SH3BP4: variants seen among roughly 807,000 people sequenced by gnomAD.
SH3BP4 encodes the protein SH3 domain binding protein 4.
Under a neutral mutation model 65.5 loss-of-function variants are expected in SH3BP4, and 33 were observed. The ratio of observed to expected loss-of-function variants is 0.50; its 90% CI spans 0.38 to 0.67. SH3BP4 has a LOEUF of 0.67. Ranked by LOEUF, SH3BP4 falls within the 30% of genes least tolerant of loss-of-function variation. The pLI is 0.00. For synonymous variants in SH3BP4, 552 were observed against 545.5 expected, an observed-to-expected ratio of 1.01 and a Z score of -0.17; for missense variants, 1,134 against 1,261.4, an observed-to-expected ratio of 0.90 and a Z score of 1.53.
intron 1 of SH3BP4, among the ~76,000 whole-genome samples, chr2:234,961,280 GT>G (rs2106240593): frequency 6.6e-6 from 1 of 152,194 alleles, no homozygotes; most frequent in Non-Finnish European, 1.5e-5. Flanking sequence ...TTTGTTTGTT[GT>G]TTGTTTTTGA....
chr2:235,007,183 G>A (rs1694323121), intron 2 of SH3BP4, among the ~76,000 whole-genome samples: 1 of 152,098 alleles, frequency 6.6e-6, no homozygotes, highest in Admixed American at 6.5e-5. Flanking sequence ...GGTGAGACAG[G>A]TGAGTCCCTG....
rs904641551 is a variant in SH3BP4 at position 235,052,148 on chromosome 2, G to A, written c.2479-414G>A. Among the ~76,000 whole-genome samples the A allele has an allele frequency of 6.6e-6, 1 of 151,930 alleles. No individual in the cohort carries two copies. The highest frequency in any genetic ancestry group is 6.6e-5 in the Admixed American group (1 of 15,236). ...TCCTTCTTTTCCTTGGCTTGTTGCC[G>A]CATCTGTCCCGTCTCTGCCTCCGTC... On this transcript the variant is annotated intron_variant, in intron 4 of 5. Coordinates refer to ENST00000392011, the MANE Select transcript of SH3BP4 (RefSeq NM_014521.3). The surrounding 1 kb of genome is among the most constrained non-coding windows in gnomAD (Gnocchi z 5.0).
rs899193907 is a variant in SH3BP4 at position 235,034,901 on chromosome 2, G to A, written c.-102G>A. On this transcript the variant is annotated 5_prime_UTR_variant, in exon 3 of 6. Transcript: ENST00000392011. The surrounding 1 kb of genome is among the most constrained non-coding windows in gnomAD (Gnocchi z 6.2). ...AACATATTGCCGAGTGGATGCCGCC[G>A]CGCAGCGTGTTTGCTTGAGGCAGAA... 192 of 952,808 alleles carry A rather than the reference G, an allele frequency of 2.0e-4. 1 individual carries two copies. Among genetic ancestry groups the A allele is most frequent in the African/African-American group, 1.2e-3 (71 of 61,166 alleles). 59.0% of individuals were successfully genotyped at this position (952,808 alleles called of 1,614,324 possible).
At chr2:234,966,127 C>T (rs1222379644) in intron 1 of SH3BP4, among the ~76,000 whole-genome samples, 1 of 152,064 alleles carries the variant, frequency 6.6e-6, no homozygotes, top group African/African-American at 2.4e-5. Flanking sequence ...ACCTGTAATC[C>T]CAACACTTTG....
At chr2:235,047,967 C>T (rs1695924728) in intron 4 of SH3BP4, among the ~76,000 whole-genome samples, 1 of 152,134 alleles carries the variant, frequency 6.6e-6, no homozygotes, top group South Asian at 2.1e-4. Flanking sequence ...CCCAAAGAGA[C>T]TTGAAAACTA....
rs535419944 is a variant in SH3BP4 at position 235,033,178 on chromosome 2, C to T, written c.-132-1693C>T. Among the ~76,000 whole-genome samples, 20 of 152,314 alleles carry T rather than the reference C, an allele frequency of 1.3e-4. No homozygotes were observed. The South Asian group carries it at 2.1e-3, about 16-fold the overall frequency. On this transcript the variant is annotated intron_variant, in intron 2 of 5. Coordinates refer to ENST00000392011, the MANE Select transcript of SH3BP4 (RefSeq NM_014521.3). This position sits in a 1 kb window ranked among gnomAD's most constrained non-coding sequence, Gnocchi z 5.7. ...CTGCTGCATTCAAGCACCACAGCCC[C>T]GGTGGCCCAGCAAGGGAGGCTCATC...
rs144052241 is a variant in SH3BP4 at position 234,963,757 on chromosome 2, A to C, written c.-207+11587A>C. ...ATTCAGCTTCGGAGCTGTTGTTGTAAGCTTCTCCAGGGTCATGTCGTCATG... is the reference window on the plus strand; with the variant it reads ...ATTCAGCTTCGGAGCTGTTGTTGTACGCTTCTCCAGGGTCATGTCGTCATG... On this transcript the variant is annotated intron_variant, in intron 1 of 5. Transcript: ENST00000392011. Among the ~76,000 whole-genome samples, 280 of 152,230 alleles carry C rather than the reference A, an allele frequency of 1.8e-3. 2 individuals are homozygous for C. Among genetic ancestry groups the C allele is most frequent in the African/African-American group, 6.4e-3 (265 of 41,526 alleles).
chr2:235,050,620 T>C (rs1411387740), intron 4 of SH3BP4, among the ~76,000 whole-genome samples: 1 of 152,028 alleles, frequency 6.6e-6, no homozygotes, highest in Non-Finnish European at 1.5e-5. Flanking sequence ...TCACCTACTC[T>C]GGCTAATGCA....
At chr2:234,980,458 GAA>G (rs1413216711) in intron 1 of SH3BP4, among the ~76,000 whole-genome samples, 5 of 152,208 alleles carry the variant, frequency 3.3e-5, no homozygotes, top group Non-Finnish European at 5.9e-5. Flanking sequence ...TGAAACCATG[GAA>G]ACTTGGGGTG....
chr2:235,048,497 ATT>A (rs59151071), intron 4 of SH3BP4, among the ~76,000 whole-genome samples: 19 of 142,422 alleles, frequency 1.3e-4, no homozygotes, highest in East Asian at 4.1e-4. Context: ...CACCCAGCTA[ATT>A]TTTTTTTTTT....
Position 235,054,084 on chromosome 2 carries a change from G to A in SH3BP4, c.*268G>A. ...TTAAAATCACTTTTTTAACGAATGG[G>A]GGGAAGGGATCTATGAGAAAGGTGG... On this transcript the variant is annotated 3_prime_UTR_variant, in exon 6 of 6. Coordinates refer to ENST00000392011, the MANE Select transcript of SH3BP4 (RefSeq NM_014521.3). 2.4e-6 allele frequency: 1 copy of A among 408,452 alleles called. No individual in the cohort carries two copies. The highest frequency in any genetic ancestry group is 2.0e-5 in the African/African-American group (1 of 50,916). 25.3% of individuals were successfully genotyped at this position (408,452 alleles called of 1,614,324 possible).
chr2:234,956,740 G>T (rs1024217241), intron 1 of SH3BP4, among the ~76,000 whole-genome samples: 1 of 151,080 alleles, frequency 6.6e-6, no homozygotes, highest in African/African-American at 2.4e-5. Flanking sequence ...TTAAATTCTT[G>T]TAGAAATGGG....
At chr2:235,007,703 GGCGTGCAGTGCTTGAGAGGCTGC>G (rs1306202973) in intron 2 of SH3BP4, among the ~76,000 whole-genome samples, 2 of 152,188 alleles carry the variant, frequency 1.3e-5, no homozygotes, top group Non-Finnish European at 2.9e-5. Flanking sequence ...GAAGAGACCA[GGCGTGCAGTGCTTGAGAGGCTGC>G]GGCCATCCTG....
rs1312025772 is a variant in SH3BP4 at position 234,991,647 on chromosome 2, GA to G, written c.-206-3655del. ...CACTGGTGTCTGGTGGTGCCCACAG[GA>G]GAACAGTGCTTGACTGAAAGATCGT... is the stretch of plus-strand genomic sequence containing the variant. On this transcript the variant is annotated intron_variant, in intron 1 of 5. Coordinates refer to ENST00000392011, the MANE Select transcript of SH3BP4 (RefSeq NM_014521.3). This position sits in a 1 kb window ranked among gnomAD's most constrained non-coding sequence, Gnocchi z 4.2. Among the ~76,000 whole-genome samples, 1 of 152,228 alleles carries G rather than the reference GA, an allele frequency of 6.6e-6. No homozygotes were observed. Among genetic ancestry groups the G allele is most frequent in the African/African-American group, 2.4e-5 (1 of 41,460 alleles).
intron 4 of SH3BP4, among the ~76,000 whole-genome samples, chr2:235,047,606 T>C (rs1244966097): frequency 2.0e-5 from 3 of 152,214 alleles, no homozygotes; most frequent in East Asian, 1.9e-4. Context: ...GTCTCTGTTA[T>C]GGTGGGGAAG....
In SH3BP4 at chr2:234,976,699, C is replaced by G. The variant is rs1053358136; in HGVS notation, c.-206-18604C>G. 1.3e-5 allele frequency among the ~76,000 whole-genome samples: 2 copies of G among 152,100 alleles called. No individual in the cohort carries two copies. The highest frequency in any genetic ancestry group is 6.5e-5 in the Admixed American group (1 of 15,270). On this transcript the variant is annotated intron_variant, in intron 1 of 5. Transcript: ENST00000392011. The surrounding 1 kb of genome is among the most constrained non-coding windows in gnomAD (Gnocchi z 4.7). ...ATGGCATTGTGTGGCAAGAAGGACA[C>G]CTGCCTCTGGTCTTCCTCTCAGTAA...
chr2:235,026,130 A>G lies in SH3BP4; in HGVS notation c.-132-8741A>G, dbSNP rs1188455777. Among the ~76,000 whole-genome samples, 1 of 152,122 alleles carries G rather than the reference A, an allele frequency of 6.6e-6. No homozygotes were observed. Among genetic ancestry groups the G allele is most frequent in the Non-Finnish European group, 1.5e-5 (1 of 68,032 alleles). On this transcript the variant is annotated intron_variant, in intron 2 of 5. Coordinates refer to ENST00000392011, the MANE Select transcript of SH3BP4 (RefSeq NM_014521.3). The surrounding 1 kb of genome is among the most constrained non-coding windows in gnomAD (Gnocchi z 4.6). ...ATGGGGGAGGGATGGGGCCAGGAAT[A>G]GAGGAAGCAGAGGAGAGGGGAGGCA... is the stretch of plus-strand genomic sequence containing the variant.
Position 235,036,005 on chromosome 2 carries a change from G to A in SH3BP4, c.118+885G>A, listed in dbSNP as rs367608960. 1.4e-4 allele frequency among the ~76,000 whole-genome samples: 22 copies of A among 152,290 alleles called. No homozygotes were observed. The East Asian group carries it at 3.9e-3, about 27-fold the overall frequency. ...AGTAGGAACTTGACTTTGACCATTT[G>A]TATCCTCGGCCCCAGCCTAAAGTCA... On this transcript the variant is annotated intron_variant, in intron 3 of 5. Transcript: ENST00000392011.
Position 235,034,704 on chromosome 2 carries a change from G to A in SH3BP4, c.-132-167G>A, listed in dbSNP as rs1695316317. Among the ~76,000 whole-genome samples the A allele has an allele frequency of 1.3e-5, 2 of 152,220 alleles. No homozygotes were observed. Among genetic ancestry groups the A allele is most frequent in the Admixed American group, 6.5e-5 (1 of 15,286 alleles). On this transcript the variant is annotated intron_variant, in intron 2 of 5. Coordinates refer to ENST00000392011, the MANE Select transcript of SH3BP4 (RefSeq NM_014521.3). The surrounding 1 kb of genome is among the most constrained non-coding windows in gnomAD (Gnocchi z 6.2). ...GAGACAAGCACAAAGTGGGCACAGA[G>A]GCCAAGGAGCAAGCGCTGCTCTGCT... is the stretch of plus-strand genomic sequence containing the variant.
Sources: gnomAD v4.1 joint callset for allele counts (sites outside exome capture counted in the v4.1 genomes callset) on GRCh38, gnomAD v4.1.1 for gene constraint, Gnocchi (gnomAD v3.1) non-coding constraint, MANE v1.5 for transcripts, NCBI Gene and HGNC (gene_info 2026-07-23, HGNC 2026-07-21) for gene names.